GRID1: variants seen among roughly 807,000 people sequenced by gnomAD.
GRID1 encodes glutamate ionotropic receptor delta type subunit 1.
A neutral mutation model predicts 98.0 loss-of-function variants in GRID1; 28 were observed. That is an observed-to-expected ratio of 0.29 (90% confidence interval 0.21 to 0.39). The LOEUF is 0.39. Ranked by LOEUF, GRID1 falls within the 10% of genes least tolerant of loss-of-function variation. The probability of loss-of-function intolerance (pLI) is 1.00; values close to 1 mark genes in which losing one functional copy is unlikely to be tolerated. For synonymous variants in GRID1, 553 were observed against 538.5 expected (o/e 1.03, Z -0.37); for missense variants, 1,111 against 1,340.5 (o/e 0.83, Z 2.67).
intron 8 of GRID1, among the ~76,000 whole-genome samples, chr10:85,793,834 T>C (rs753366097): frequency 2.0e-5 from 3 of 152,200 alleles, no homozygotes; most frequent in Non-Finnish European, 2.9e-5. Context: ...TAAAATGAAC[T>C]CTGCAGAGCA....
Position 86,317,743 on chromosome 10 carries a change from T to C in GRID1, c.235+46198A>G, listed in dbSNP as rs151328079. ...AAACTGTGTCATTTTTTAATTTTAA[T>C]TTTTATTTTTATTTTTAGACATGGT... On this transcript the variant is annotated intron_variant, in intron 2 of 15. Transcript: ENST00000327946. Among the ~76,000 whole-genome samples, 274 of 152,126 alleles carry C rather than the reference T, an allele frequency of 1.8e-3. 2 individuals carry two copies. The highest frequency in any genetic ancestry group is 6.4e-3 in the African/African-American group (265 of 41,496).
chr10:86,003,693 G>A (rs992217760), intron 4 of GRID1, among the ~76,000 whole-genome samples: 9 of 152,214 alleles, frequency 5.9e-5, no homozygotes, highest in African/African-American at 1.7e-4. Flanking sequence ...GAAGCCAATG[G>A]CCAATGGGTA....
At chr10:86,314,667 G>A (rs1847875248) in intron 2 of GRID1, among the ~76,000 whole-genome samples, 1 of 152,218 alleles carries the variant, frequency 6.6e-6, no homozygotes, top group Non-Finnish European at 1.5e-5. Flanking sequence ...CCCCTGAGGA[G>A]GCTGCTCTCT....
chr10:85,713,718 GAT>G (rs1242066384), intron 12 of GRID1, among the ~76,000 whole-genome samples: 1 of 149,454 alleles, frequency 6.7e-6, no homozygotes, highest in Non-Finnish European at 1.5e-5. Context: ...CAAGATATGA[GAT>G]ACACTACATT....
At chr10:85,761,110 T>A (rs924728650) in intron 8 of GRID1, among the ~76,000 whole-genome samples, 36 of 152,180 alleles carry the variant, frequency 2.4e-4, no homozygotes, top group African/African-American at 8.7e-4. Flanking sequence ...AAAAAGTAAC[T>A]TTTTACGGGT....
intron 4 of GRID1, among the ~76,000 whole-genome samples, chr10:86,013,485 T>C (rs907370543): frequency 1.3e-5 from 2 of 152,260 alleles, no homozygotes; most frequent in African/African-American, 4.8e-5. Flanking sequence ...CTGCTGTTTC[T>C]GATATGGTCT....
Position 85,916,141 on chromosome 10 carries a change from G to C in GRID1, c.780+45C>G. 7.1e-7 allele frequency: 1 copy of C among 1,407,686 alleles called. No homozygotes were observed. Among genetic ancestry groups the C allele is most frequent in the Non-Finnish European group, 1.0e-6 (1 of 992,274 alleles). The allele number at this position is 1,407,686 out of a possible 1,614,324, so 87.2% of individuals were successfully genotyped here. A position where few individuals can be genotyped will look rare whatever the true frequency, so the allele number is the denominator to read the frequency against. ...TCACACTGAGCTTTACAAGGGGCTA[G>C]GGGCTCAGTCCAGGCCGTGCTCATC... On this transcript the variant is annotated intron_variant, in intron 5 of 15. Coordinates refer to ENST00000327946, the MANE Select transcript of GRID1 (RefSeq NM_017551.3). This position sits in a 1 kb window ranked among gnomAD's most constrained non-coding sequence, Gnocchi z 4.0.
intron 12 of GRID1, among the ~76,000 whole-genome samples, chr10:85,658,461 A>G (rs1301624639): frequency 6.6e-6 from 1 of 152,200 alleles, no homozygotes. Flanking sequence ...GAATTTATGG[A>G]AGGTCACAGA....
chr10:86,023,520 A>G (rs7085693), intron 4 of GRID1, among the ~76,000 whole-genome samples: 30,110 of 151,814 alleles, frequency 0.2, 3,431 homozygotes, highest in African/African-American at 0.29. Context: ...CCTGCTCCAC[A>G]CCCACTGCTT....
At chr10:86,024,334 G>A (rs1404209578) in intron 4 of GRID1, among the ~76,000 whole-genome samples, 1 of 152,156 alleles carries the variant, frequency 6.6e-6, no homozygotes, top group Admixed American at 6.5e-5. Flanking sequence ...TAATAAGGTA[G>A]CCAGCCCCCA....
intron 2 of GRID1, among the ~76,000 whole-genome samples, chr10:86,340,628 G>A (rs1447756567): frequency 1.3e-5 from 2 of 152,190 alleles, no homozygotes; most frequent in Non-Finnish European, 2.9e-5. Context: ...GGGAGTCACT[G>A]TTTCTCTAGA....
intron 2 of GRID1, among the ~76,000 whole-genome samples, chr10:86,315,930 C>G (rs1375333418): frequency 6.6e-6 from 1 of 152,146 alleles, no homozygotes; most frequent in Non-Finnish European, 1.5e-5. Context: ...TTTCATCTAT[C>G]CATCCATCCA....
intron 4 of GRID1, among the ~76,000 whole-genome samples, chr10:86,009,820 A>G (rs1842904818): frequency 6.6e-6 from 1 of 152,196 alleles, no homozygotes; most frequent in African/African-American, 2.4e-5. Context: ...AGACACCGGA[A>G]TGGAGAAAAA....
chr10:86,124,461 G>A (rs1844722330), intron 4 of GRID1, among the ~76,000 whole-genome samples: 1 of 152,114 alleles, frequency 6.6e-6, no homozygotes, highest in South Asian at 2.1e-4. Flanking sequence ...TGTTTTGGGG[G>A]CTCCATCACA....
intron 4 of GRID1, among the ~76,000 whole-genome samples, chr10:86,050,555 TG>T (rs1390185469): frequency 6.6e-6 from 1 of 152,074 alleles, no homozygotes; most frequent in African/African-American, 2.4e-5. Flanking sequence ...CAAACAATGA[TG>T]AATTTGAAGA....
intron 4 of GRID1, among the ~76,000 whole-genome samples, chr10:86,102,379 G>A (rs1394701914): frequency 6.6e-6 from 1 of 152,242 alleles, no homozygotes; most frequent in Non-Finnish European, 1.5e-5. Context: ...TGAGGGGCAT[G>A]AGGAAGAAGC....
chr10:85,988,941 C>T (rs1424070425), intron 4 of GRID1, among the ~76,000 whole-genome samples: 2 of 152,194 alleles, frequency 1.3e-5, no homozygotes, highest in African/African-American at 2.4e-5. Flanking sequence ...TTTGGGGCCA[C>T]ATGGGGAAGC....
At chr10:86,108,742 T>C (rs567009633) in intron 4 of GRID1, among the ~76,000 whole-genome samples, 1 of 152,344 alleles carries the variant, frequency 6.6e-6, no homozygotes, top group East Asian at 1.9e-4. Context: ...AGGTCCTATG[T>C]TTAACAAGAG....
chr10:85,678,134 G>A (rs530319488), intron 12 of GRID1, among the ~76,000 whole-genome samples: 83 of 152,204 alleles, frequency 5.5e-4, no homozygotes, highest in African/African-American at 1.9e-3. Context: ...GCAAGACATG[G>A]GGTGGCCTTC....
Sources: gnomAD v4.1 joint callset for allele counts (sites outside exome capture counted in the v4.1 genomes callset) on GRCh38, gnomAD v4.1.1 for gene constraint, Gnocchi (gnomAD v3.1) non-coding constraint, MANE v1.5 for transcripts, NCBI Gene and HGNC (gene_info 2026-07-23, HGNC 2026-07-21) for gene names.